The following GFRAL variants were observed in gnomAD, a reference collection of about 807,000 sequenced individuals.
The protein encoded by GFRAL is GDNF family receptor alpha like, also known as GDNF family receptor alpha-like.
GFRAL carries 36 observed loss-of-function variants against 45.4 expected under a neutral mutation model. That is an observed-to-expected ratio of 0.79 (90% CI 0.61 to 1.05). GFRAL has a LOEUF of 1.05. Among genes scored for constraint, GFRAL ranks in the 50% least tolerant of loss-of-function variants. GFRAL has a pLI of 0.00. For synonymous variants in GFRAL, 166 were observed against 154.1 expected, an observed-to-expected ratio of 1.08 and a Z score of -0.57; for missense variants, 507 against 467.5, an observed-to-expected ratio of 1.08 and a Z score of -0.78.
chr6:55,376,443 C>G (rs1373517703), intron 6 of GFRAL, among the ~76,000 whole-genome samples: 2 of 152,044 alleles, frequency 1.3e-5, no homozygotes, highest in East Asian at 1.9e-4. Context: ...GGTACCAGCT[C>G]TTCTTTGTAC....
chr6:55,340,658 G>T (rs1474517713), intron 3 of GFRAL, among the ~76,000 whole-genome samples: 1 of 152,152 alleles, frequency 6.6e-6, no homozygotes, highest in Non-Finnish European at 1.5e-5. Context: ...TCTCACTGGG[G>T]CTTGTCAGAC....
intron 6 of GFRAL, among the ~76,000 whole-genome samples, chr6:55,369,632 A>G (rs1404348064): frequency 6.6e-6 from 1 of 152,190 alleles, no homozygotes; most frequent in African/African-American, 2.4e-5. Context: ...TGAATAGAGT[A>G]AGTTTCAAAT....
intron 2 of GFRAL, 21 bp from the exon 3 acceptor site, chr6:55,333,765 T>G: frequency 1.3e-6 from 2 of 1,544,878 alleles, no homozygotes; most frequent in Non-Finnish European, 1.8e-6. Flanking sequence ...ATATCTATAG[T>G]GTTATGTGTT....
chr6:55,351,271 C>A lies in GFRAL; in HGVS notation c.389C>A (p.Ser130Tyr). The A allele has an allele frequency of 6.3e-7, 1 of 1,596,478 alleles. No homozygotes were observed. Among genetic ancestry groups the A allele is most frequent in the Non-Finnish European group, 8.6e-7 (1 of 1,168,412 alleles). ...CTTTCAGGATTCAAAGGGATGTGGTCCTGTTTGGAAGTGGCAGAGGCATGT... is the reference window on the plus strand; with the variant it reads ...CTTTCAGGATTCAAAGGGATGTGGTACTGTTTGGAAGTGGCAGAGGCATGT... ...RSHHGFKGMW[S>Y]CLEVAEACVG... Residue 130 changes from serine (S) to tyrosine (Y), a missense_variant, in exon 5 of 9, where the codon TCC becomes TAC. By Grantham distance (144) the Ser-to-Tyr change is moderately radical (BLOSUM62 -2). Transcript: ENST00000340465.
chr6:55,349,956 T>C (rs891586757), intron 3 of GFRAL, 136 bp from the exon 4 acceptor site: 46 of 656,348 alleles, frequency 7.0e-5, no homozygotes, highest in Non-Finnish European at 1.1e-4. Flanking sequence ...AAGGGCTAAA[T>C]ACATGTTACA....
intron 3 of GFRAL, among the ~76,000 whole-genome samples, chr6:55,342,068 G>A (rs1167920155): frequency 1.3e-5 from 2 of 152,304 alleles, no homozygotes; most frequent in Middle Eastern, 6.8e-3. Flanking sequence ...TGAAAGTGAT[G>A]GGGAAAATGG....
rs182012306 is a variant in GFRAL, at chr6:55,351,789, A to T, written c.701+206A>T. On this transcript the variant is annotated intron_variant, in intron 5 of 8. Transcript: ENST00000340465. ...TTCAAATGCAGAGTAGATTTTTGAA[A>T]TAAAAAATCAGCATGTCAAAATATG... Among the ~76,000 whole-genome samples, 31 of 152,250 alleles carry T rather than the reference A, an allele frequency of 2.0e-4. No individual in the cohort carries two copies. In the East Asian group the frequency reaches 5.8e-3, roughly 29 times the overall value.
Position 55,401,890 on chromosome 6 carries a change from T to G in GFRAL, c.*37T>G. ...TCATGGACCTATAACAATCACTCTT[T>G]TCTCTGCTTTTCTTCTTTCCTCTTT... On this transcript the variant is annotated 3_prime_UTR_variant, in exon 9 of 9. Coordinates refer to ENST00000340465, the MANE Select transcript of GFRAL (RefSeq NM_207410.2). The G allele has an allele frequency of 9.2e-7, 1 of 1,082,962 alleles. No homozygotes were observed. Among genetic ancestry groups the G allele is most frequent in the Non-Finnish European group, 1.4e-6 (1 of 701,576 alleles). The allele number at this position is 1,082,962 out of a possible 1,614,324, so 67.1% of individuals were successfully genotyped here.
At chr6:55,339,549 T>G (rs141968402) in intron 3 of GFRAL, among the ~76,000 whole-genome samples, 1,982 of 152,192 alleles carry the variant, frequency 0.013, 22 homozygotes, top group Non-Finnish European at 0.022. Flanking sequence ...TTATGACCTA[T>G]TTGAAGAAAC....
chr6:55,368,256 C>G (rs1768394550), intron 6 of GFRAL, among the ~76,000 whole-genome samples: 1 of 151,588 alleles, frequency 6.6e-6, no homozygotes, highest in African/African-American at 2.4e-5. Flanking sequence ...CTTCTGCATT[C>G]TTCACGTAGT....
At chr6:55,370,933 C>T (rs963888676) in intron 6 of GFRAL, among the ~76,000 whole-genome samples, 13 of 152,222 alleles carry the variant, frequency 8.5e-5, no homozygotes, top group African/African-American at 2.7e-4. Flanking sequence ...TTCGCATCTT[C>T]TTAGGGGCAA....
intron 1 of GFRAL, among the ~76,000 whole-genome samples, chr6:55,328,212 T>C (rs1367161520): frequency 6.6e-6 from 1 of 151,960 alleles, no homozygotes; most frequent in East Asian, 1.9e-4. Context: ...TTTATTTTTA[T>C]TTAATGTAGA....
chr6:55,371,895 C>T (rs1417463883), intron 6 of GFRAL, among the ~76,000 whole-genome samples: 1 of 152,124 alleles, frequency 6.6e-6, no homozygotes, highest in Non-Finnish European at 1.5e-5. Context: ...CATGTCTTTT[C>T]CCCTTTCACA....
chr6:55,363,132 CAA>C lies in GFRAL; in HGVS notation c.952+4003_952+4004del, dbSNP rs35444148. 1.2e-4 allele frequency among the ~76,000 whole-genome samples: 18 copies of C among 150,178 alleles called. No homozygotes were observed. In the East Asian group the frequency reaches 1.4e-3, roughly 12 times the overall value. Reference sequence around the variant, plus strand: ...ACAAGAGATGGAAAACATAGCAATACAAAAAAAAAAGCATGTGATACATGCTT... The same window carrying C: ...ACAAGAGATGGAAAACATAGCAATACAAAAAAAAGCATGTGATACATGCTT... On this transcript the variant is annotated intron_variant, in intron 6 of 8. Coordinates refer to ENST00000340465, the MANE Select transcript of GFRAL (RefSeq NM_207410.2).
rs202046141 is a variant in GFRAL at position 55,329,849 on chromosome 6, T to TA, written c.23-1856dup. On this transcript the variant is annotated intron_variant, in intron 1 of 8. Coordinates refer to ENST00000340465, the MANE Select transcript of GFRAL (RefSeq NM_207410.2). ...ATGAGATTTGCAAAGAGGTAAGATT[T>TA]AAAAAAAAAAGAGAGATTTCAAGCC... Among the ~76,000 whole-genome samples the TA allele has an allele frequency of 7.1e-3, 1,063 of 148,860 alleles. 8 individuals are homozygous for TA. The highest frequency in any genetic ancestry group is 0.013 in the African/African-American group (525 of 40,604).
At position 55,362,058 on chromosome 6, in the gene GFRAL, C is replaced by T. The variant is rs144977595; in HGVS notation, c.952+2920C>T. ...TTTTTATTGCTTTATTCTATTGTTCCCCAATGCTGACCACTACCCACTAAA... is the reference window on the plus strand; with the variant it reads ...TTTTTATTGCTTTATTCTATTGTTCTCCAATGCTGACCACTACCCACTAAA... On this transcript the variant is annotated intron_variant, in intron 6 of 8. Coordinates refer to ENST00000340465, the MANE Select transcript of GFRAL (RefSeq NM_207410.2). Among the ~76,000 whole-genome samples, 288 of 151,842 alleles carry T rather than the reference C, an allele frequency of 1.9e-3. 1 individual carries two copies. Among genetic ancestry groups the T allele is most frequent in the African/African-American group, 6.5e-3 (271 of 41,470 alleles).
chr6:55,336,381 A>G (rs1389661402), intron 3 of GFRAL, among the ~76,000 whole-genome samples: 9 of 152,190 alleles, frequency 5.9e-5, no homozygotes, highest in Admixed American at 5.9e-4. Flanking sequence ...TTAACATGAT[A>G]TATTTCTTCA....
At chr6:55,380,293 A>C (rs1055279546) in intron 6 of GFRAL, among the ~76,000 whole-genome samples, 10 of 151,956 alleles carry the variant, frequency 6.6e-5, no homozygotes, top group Non-Finnish European at 1.0e-4. Flanking sequence ...CTGGTTCCCC[A>C]ACTCTATTAG....
At chr6:55,388,826 G>A (rs116682040) in intron 6 of GFRAL, among the ~76,000 whole-genome samples, 2,285 of 152,206 alleles carry the variant, frequency 0.015, 33 homozygotes, top group Non-Finnish European at 0.025. Context: ...AGCAGTTACC[G>A]TCATTATGTC....
Sources: allele counts gnomAD v4.1 joint callset (sites outside exome capture counted in the v4.1 genomes callset), GRCh38; gene constraint gnomAD v4.1.1; transcripts MANE v1.5; gene names NCBI Gene and HGNC (gene_info 2026-07-23, HGNC 2026-07-21).